IGF2BP1: variants seen among roughly 807,000 people sequenced by gnomAD.
IGF2BP1 encodes insulin like growth factor 2 mRNA binding protein 1, also known as insulin-like growth factor 2 mRNA-binding protein 1.
In IGF2BP1, 11 loss-of-function variants were observed where a neutral mutation model predicts 74.9. The ratio of observed to expected loss-of-function variants is 0.15; its 90% CI spans 0.09 to 0.24. The LOEUF (loss-of-function observed/expected upper bound fraction) is 0.24. Among genes scored for constraint, IGF2BP1 ranks in the 10% least tolerant of loss-of-function variants. The pLI, the probability that IGF2BP1 is intolerant of heterozygous loss-of-function variation, is 1.00. For missense variants in IGF2BP1, 440 were observed against 757.4 expected (o/e 0.58, Z 4.92); for synonymous variants, 287 against 281.8 (o/e 1.02, Z -0.18).
chr17:49,026,571 G>C, intron 4 of IGF2BP1, 54 bp downstream of exon 4: 1 of 1,459,420 alleles, frequency 6.9e-7, no homozygotes, highest in Non-Finnish European at 9.6e-7. Flanking sequence ...GGAGGAGTTT[G>C]GTGCATTTGT....
chr17:49,042,408 C>G, intron 9 of IGF2BP1, 31 bp downstream of exon 9: 6 of 1,613,614 alleles, frequency 3.7e-6, no homozygotes, highest in Non-Finnish European at 5.1e-6. Flanking sequence ...TCTGCTTATC[C>G]TTTCCTGAGT....
chr17:49,029,200 C>A (rs1233709006), intron 4 of IGF2BP1, among the ~76,000 whole-genome samples: 1 of 152,182 alleles, frequency 6.6e-6, no homozygotes, highest in Non-Finnish European at 1.5e-5. Flanking sequence ...TCCATAAGCT[C>A]CACAAAGGCA....
Position 49,050,548 on chromosome 17 carries a change from T to C in IGF2BP1, c.*1104T>C, listed in dbSNP as rs1365608479. ...CCCAGCCACGGCACTGTTACCTTGG[T>C]GGTGGGACTTGGAACCCAACCCTGA... On this transcript the variant is annotated 3_prime_UTR_variant, in exon 15 of 15. Transcript: ENST00000290341. The C allele has an allele frequency of 6.6e-6, 1 of 152,148 alleles. No individual in the cohort carries two copies. The highest frequency in any genetic ancestry group is 1.5e-5 in the Non-Finnish European group (1 of 68,030). 9.4% of individuals were successfully genotyped at this position (152,148 alleles called of 1,614,324 possible). A position where few individuals can be genotyped will look rare whatever the true frequency, so the allele number is the denominator to read the frequency against.
chr17:49,011,691 A>G (rs1358981124), intron 2 of IGF2BP1, among the ~76,000 whole-genome samples: 1 of 151,758 alleles, frequency 6.6e-6, no homozygotes, highest in Non-Finnish European at 1.5e-5. Context: ...CCTGTTCCAA[A>G]AAAAAAAAAA....
chr17:49,026,707 TC>T (rs1210893194), intron 4 of IGF2BP1, among the ~76,000 whole-genome samples, 190 bp downstream of exon 4: 1 of 131,052 alleles, frequency 7.6e-6, no homozygotes, highest in East Asian at 2.1e-4. Flanking sequence ...CTTCCTGCCT[TC>T]CTGCCTTCCT....
chr17:49,031,261 C>T (rs1002402669), intron 4 of IGF2BP1, among the ~76,000 whole-genome samples: 1 of 152,086 alleles, frequency 6.6e-6, no homozygotes, highest in African/African-American at 2.4e-5. Flanking sequence ...GGGTGCACCA[C>T]CACGCCAGGC....
intron 4 of IGF2BP1, among the ~76,000 whole-genome samples, chr17:49,027,653 C>G (rs2041873599): frequency 1.3e-5 from 2 of 150,422 alleles, no homozygotes; most frequent in African/African-American, 4.9e-5. Context: ...GAGATCGAGA[C>G]CATCCTGGCT....
intron 5 of IGF2BP1, chr17:49,036,996 T>C (rs950853662): frequency 5.1e-6 from 1 of 195,822 alleles, no homozygotes; most frequent in African/African-American, 2.4e-5. Context: ...AAGAAAGAAT[T>C]GAGATCAAAG....
At chr17:49,026,695 G>GCCTT (rs1555599045) in intron 4 of IGF2BP1, among the ~76,000 whole-genome samples, 178 bp downstream of exon 4, 3 of 136,702 alleles carry the variant, frequency 2.2e-5, no homozygotes, top group East Asian at 2.1e-4. Flanking sequence ...CTGCCTTCCT[G>GCCTT]CCTTCCTGCC....
At chr17:49,011,647 C>T (rs2041620676) in intron 2 of IGF2BP1, among the ~76,000 whole-genome samples, 1 of 151,912 alleles carries the variant, frequency 6.6e-6, no homozygotes, top group Non-Finnish European at 1.5e-5. Context: ...TATGATGGTG[C>T]CATTGCACTC....
At position 49,050,256 on chromosome 17, in the gene IGF2BP1, A is replaced by G. The variant is rs2042152645; in HGVS notation, c.*812A>G. On this transcript the variant is annotated 3_prime_UTR_variant, in exon 15 of 15. Coordinates refer to ENST00000290341, the MANE Select transcript of IGF2BP1 (RefSeq NM_006546.4). The stretch of plus-strand genomic sequence containing the variant: ...CCCGTGTAGGTTTCACATTATGTCC[A>G]GGTGCACATAGGTGGTATTGAATGC... The G allele has an allele frequency of 6.6e-6, 1 of 152,594 alleles. No homozygotes were observed. Among genetic ancestry groups the G allele is most frequent in the African/African-American group, 2.4e-5 (1 of 41,434 alleles). 9.5% of individuals were successfully genotyped at this position (152,594 alleles called of 1,614,324 possible).
In IGF2BP1 at chr17:49,051,134, C is replaced by T. The variant is rs1452801564; in HGVS notation, c.*1690C>T. The T allele has an allele frequency of 6.6e-6, 1 of 152,576 alleles. No individual in the cohort carries two copies. Among genetic ancestry groups the T allele is most frequent in the African/African-American group, 2.4e-5 (1 of 41,512 alleles). 9.5% of individuals were successfully genotyped at this position (152,576 alleles called of 1,614,324 possible). A position where few individuals can be genotyped will look rare whatever the true frequency, so the allele number is the denominator to read the frequency against. ...TTTTCCTTTTTGTTCCCCCCAACCC[C>T]ATTAAAAAAATTTTTTTTTGATTTT... On this transcript the variant is annotated 3_prime_UTR_variant, in exon 15 of 15. Transcript: ENST00000290341.
At chr17:49,002,353 A>T (rs181864230) in intron 2 of IGF2BP1, among the ~76,000 whole-genome samples, 2 of 152,276 alleles carry the variant, frequency 1.3e-5, no homozygotes, top group Admixed American at 1.3e-4. Flanking sequence ...TGATTTGTTG[A>T]GGCTCTGAAG....
At chr17:49,023,519 A>T (rs1377596982) in intron 2 of IGF2BP1, among the ~76,000 whole-genome samples, 1 of 152,322 alleles carries the variant, frequency 6.6e-6, no homozygotes, top group East Asian at 1.9e-4. Context: ...CAAGGTCAAC[A>T]CTTTTACAAC....
Position 48,997,847 on chromosome 17 carries a change from G to A in IGF2BP1, c.102G>A (p.Leu34=). The stretch of plus-strand genomic sequence containing the variant: ...AGATCTCCTACAGCGGCCAGTTCTT[G>A]GTCAAATCCGGCTACGCCTTCGTGG... ...EHKISYSGQF[L]VKSGYAFVDC... The change falls in exon 1 of 15, where the codon TTG becomes TTA. Residue 34 remains leucine (L), a synonymous_variant. Transcript: ENST00000290341. The surrounding 1 kb of genome is among the most constrained non-coding windows in gnomAD (Gnocchi z 4.8). 6.2e-7 allele frequency: 1 copy of A among 1,614,166 alleles called. No individual in the cohort carries two copies. The highest frequency in any genetic ancestry group is 1.1e-5 in the South Asian group (1 of 91,068).
At chr17:49,020,790 GATT>G (rs1464586385) in intron 2 of IGF2BP1, among the ~76,000 whole-genome samples, 2 of 152,060 alleles carry the variant, frequency 1.3e-5, no homozygotes, top group Admixed American at 1.3e-4. Context: ...GTTGAAAAGT[GATT>G]ATTTGGCATA....
intron 11 of IGF2BP1, among the ~76,000 whole-genome samples, chr17:49,044,461 C>T (rs961224297): frequency 6.6e-5 from 10 of 152,226 alleles, no homozygotes; most frequent in Non-Finnish European, 1.3e-4. Flanking sequence ...CAAAGCCCTT[C>T]GCTCACATAC....
At chr17:49,019,904 TTATATATATA>T (rs60753189) in intron 2 of IGF2BP1, among the ~76,000 whole-genome samples, 10,879 of 43,874 alleles carry the variant, frequency 0.25, 1,196 homozygotes, top group Non-Finnish European at 0.28. Flanking sequence ...CCTGGCTAAT[TTATATATATA>T]TATATATATA....
intron 2 of IGF2BP1, chr17:49,015,066 G>A (rs1328527995): frequency 8.0e-6 from 3 of 374,464 alleles, no homozygotes; most frequent in Non-Finnish European, 1.1e-5. Flanking sequence ...GTGCAGTGGC[G>A]TGATCTCGGC....
Sources: gnomAD v4.1 joint callset for allele counts (sites outside exome capture counted in the v4.1 genomes callset) on GRCh38, gnomAD v4.1.1 for gene constraint, Gnocchi (gnomAD v3.1) non-coding constraint, MANE v1.5 for transcripts, NCBI Gene and HGNC (gene_info 2026-07-23, HGNC 2026-07-21) for gene names.